PLCB1: variants seen among roughly 807,000 people sequenced by gnomAD.
The protein encoded by PLCB1 is phospholipase C beta 1.
A neutral mutation model predicts 161.8 loss-of-function variants in PLCB1; 46 were observed. The ratio of observed to expected loss-of-function variants is 0.28; its 90% confidence interval spans 0.22 to 0.36. The LOEUF (loss-of-function observed/expected upper bound fraction) is 0.36. Ranked by LOEUF, PLCB1 falls within the 10% of genes least tolerant of loss-of-function variation. PLCB1 has a pLI of 1.00. For missense variants in PLCB1, 1,016 were observed against 1,472.5 expected (o/e 0.69, Z 5.07); for synonymous variants, 517 against 503.7 (o/e 1.03, Z -0.35).
At chr20:8,652,170 C>T (rs1051241166) in intron 7 of PLCB1, 1 of 151,844 alleles carries the variant, frequency 6.6e-6, no homozygotes, top group Non-Finnish European at 1.5e-5. Context: ...ACTTTCAGAC[C>T]AATGTCAATT....
At chr20:8,676,393 C>CAAAG (rs60373026) in intron 9 of PLCB1, among the ~76,000 whole-genome samples, 35 of 143,464 alleles carry the variant, frequency 2.4e-4, no homozygotes, top group East Asian at 4.0e-4. Flanking sequence ...GAAAGAGAGA[C>CAAAG]AAAGAAAGAA....
chr20:8,278,976 T>C (rs1351608062), intron 2 of PLCB1, among the ~76,000 whole-genome samples: 3 of 142,606 alleles, frequency 2.1e-5, no homozygotes, highest in African/African-American at 8.7e-5. Flanking sequence ...TACAGTGTTT[T>C]TTAAAAAAAA....
chr20:8,841,617 A>G (rs1312013445), intron 31 of PLCB1, among the ~76,000 whole-genome samples: 1 of 152,206 alleles, frequency 6.6e-6, no homozygotes, highest in Non-Finnish European at 1.5e-5. Flanking sequence ...GGCAAGGGGT[A>G]TATGTGTGCA....
rs1331344520 is a variant in PLCB1 at position 8,629,871 on chromosome 20, TTCTTTCTC to T, written c.384+1444_384+1451del. Among the ~76,000 whole-genome samples the T allele has an allele frequency of 1.0e-3, 96 of 95,976 alleles. 1 individual carries two copies. Among genetic ancestry groups the T allele is most frequent in the African/African-American group, 3.7e-3 (92 of 25,044 alleles). 63.0% of individuals were successfully genotyped at this position (95,976 alleles called of 152,430 possible). On this transcript the variant is annotated intron_variant, in intron 4 of 31. Coordinates refer to ENST00000338037, the MANE Select transcript of PLCB1 (RefSeq NM_015192.4). ...TTTCTTTCTTTCTTTCTTTCTTTCT[TTCTTTCTC>T]TCTCTCTTTCTTTTCTTTCTTTCTT...
At chr20:8,704,253 C>A (rs138325958) in intron 11 of PLCB1, among the ~76,000 whole-genome samples, 1,881 of 151,894 alleles carry the variant, frequency 0.012, 32 homozygotes, top group African/African-American at 0.035. Flanking sequence ...TGCCTGGGAG[C>A]TGAGGCACAA....
chr20:8,599,827 C>G (rs1432530152), intron 3 of PLCB1, among the ~76,000 whole-genome samples: 3 of 138,454 alleles, frequency 2.2e-5, no homozygotes, highest in East Asian at 2.1e-4. Flanking sequence ...CTAAACTTCC[C>G]TTCTCGCTTC....
intron 2 of PLCB1, among the ~76,000 whole-genome samples, chr20:8,157,110 ATGT>A (rs2051570697): frequency 6.6e-6 from 1 of 152,210 alleles, no homozygotes; most frequent in Admixed American, 6.5e-5. Flanking sequence ...GTATTTCATA[ATGT>A]TGTGGGAACA....
At chr20:8,587,669 T>G (rs1282234300) in intron 3 of PLCB1, among the ~76,000 whole-genome samples, 2 of 152,190 alleles carry the variant, frequency 1.3e-5, no homozygotes, top group African/African-American at 2.4e-5. Flanking sequence ...TGGGTTCTGG[T>G]TTACAACTGT....
chr20:8,683,260 TAGC>T (rs1158567550), intron 9 of PLCB1, among the ~76,000 whole-genome samples: 2 of 152,130 alleles, frequency 1.3e-5, no homozygotes, highest in Non-Finnish European at 2.9e-5. Context: ...ACCAATGTTT[TAGC>T]AGTAGTTATC....
chr20:8,864,560 A>G (rs112176725), intron 31 of PLCB1, among the ~76,000 whole-genome samples: 1 of 152,228 alleles, frequency 6.6e-6, no homozygotes. Context: ...GAATAAATCA[A>G]TGAATGTGTG....
chr20:8,473,566 C>T (rs531484753), intron 3 of PLCB1, among the ~76,000 whole-genome samples: 1 of 152,264 alleles, frequency 6.6e-6, no homozygotes, highest in South Asian at 2.1e-4. Context: ...ACAATCCAGC[C>T]TTGTTAGTTA....
intron 2 of PLCB1, among the ~76,000 whole-genome samples, chr20:8,328,098 G>A (rs903615731): frequency 1.2e-4 from 19 of 152,036 alleles, no homozygotes; most frequent in African/African-American, 4.3e-4. Flanking sequence ...TATACTGGTT[G>A]AGAATCTGTA....
At chr20:8,466,942 C>A (rs1734799000) in intron 3 of PLCB1, among the ~76,000 whole-genome samples, 1 of 151,990 alleles carries the variant, frequency 6.6e-6, no homozygotes, top group Non-Finnish European at 1.5e-5. Flanking sequence ...CTTTCTCTTT[C>A]TTTTCTTTTG....
intron 2 of PLCB1, among the ~76,000 whole-genome samples, chr20:8,204,790 G>A (rs1978440930): frequency 6.6e-6 from 1 of 152,074 alleles, no homozygotes; most frequent in Non-Finnish European, 1.5e-5. Flanking sequence ...AATACACTGG[G>A]ATAGTCCATT....
intron 2 of PLCB1, among the ~76,000 whole-genome samples, chr20:8,215,039 A>C (rs1427012315): frequency 6.6e-6 from 1 of 152,016 alleles, no homozygotes; most frequent in African/African-American, 2.4e-5. Flanking sequence ...TCTCAGCTCC[A>C]CAGCTACTTT....
chr20:8,182,407 G>A (rs1161897253), intron 2 of PLCB1, among the ~76,000 whole-genome samples: 2 of 151,954 alleles, frequency 1.3e-5, no homozygotes, highest in African/African-American at 4.8e-5. Flanking sequence ...TCTTCCAGTG[G>A]CCTTTTGTGT....
chr20:8,168,364 C>G (rs1206051038), intron 2 of PLCB1, among the ~76,000 whole-genome samples: 1 of 152,150 alleles, frequency 6.6e-6, no homozygotes, highest in Non-Finnish European at 1.5e-5. Flanking sequence ...CCTCATCCTT[C>G]TGAAATATTA....
intron 2 of PLCB1, among the ~76,000 whole-genome samples, chr20:8,238,303 T>A (rs540912743): frequency 6.6e-5 from 10 of 152,100 alleles, no homozygotes; most frequent in Non-Finnish European, 1.2e-4. Context: ...GAATCAGACA[T>A]GTCAGTGAGG....
chr20:8,430,341 C>G (rs557819395), intron 3 of PLCB1, among the ~76,000 whole-genome samples: 5 of 151,886 alleles, frequency 3.3e-5, no homozygotes, highest in Non-Finnish European at 5.9e-5. Context: ...TGATTGAGGT[C>G]AGGAGAACAG....
Sources: gnomAD v4.1 joint callset for allele counts (sites outside exome capture counted in the v4.1 genomes callset) on GRCh38, gnomAD v4.1.1 for gene constraint, MANE v1.5 for transcripts, NCBI Gene and HGNC (gene_info 2026-07-23, HGNC 2026-07-21) for gene names.